The following C6orf89 variants were observed in gnomAD, a reference collection of about 807,000 sequenced individuals.
C6orf89 encodes chromosome 6 open reading frame 89.
C6orf89 carries 29 observed loss-of-function variants against 40.7 expected under a neutral mutation model. The ratio of observed to expected loss-of-function variants is 0.71; its 90% CI spans 0.53 to 0.97. The LOEUF (loss-of-function observed/expected upper bound fraction) is 0.97, where lower values mean the gene tolerates loss of function less well. Ranked by LOEUF, C6orf89 falls within the 50% of genes least tolerant of loss-of-function variation. C6orf89 has a pLI of 0.00. For synonymous variants in C6orf89, 165 were observed against 152.2 expected (o/e 1.08, Z -0.62); for missense variants, 392 against 429.1 (o/e 0.91, Z 0.76).
intron 1 of C6orf89, among the ~76,000 whole-genome samples, chr6:36,875,794 A>G (rs1156876255): frequency 2.0e-5 from 3 of 152,404 alleles, no homozygotes; most frequent in South Asian, 4.1e-4. Flanking sequence ...GCTGAGCCTT[A>G]CAGATTAAAT....
Position 36,914,243 on chromosome 6 carries a change from T to C in C6orf89, c.404-41T>C, listed in dbSNP as rs1391210338. 3 of 1,565,968 alleles carry C rather than the reference T, an allele frequency of 1.9e-6. No homozygotes were observed. In the East Asian group the frequency reaches 6.8e-5, roughly 35 times the overall value. On this transcript the variant is annotated intron_variant, in intron 4 of 8. Transcript: ENST00000480824. ...GAGCTACTGGATGTACCAGCTATGCTCTTTCAGTATCTGTTTTCTCCATAT... is the reference window on the plus strand; with the variant it reads ...GAGCTACTGGATGTACCAGCTATGCCCTTTCAGTATCTGTTTTCTCCATAT...
At chr6:36,890,295 T>C (rs904478169) in intron 1 of C6orf89, among the ~76,000 whole-genome samples, 1 of 152,194 alleles carries the variant, frequency 6.6e-6, no homozygotes, top group African/African-American at 2.4e-5. Flanking sequence ...GCCCAGTACC[T>C]CCCTGTTTCC....
upstream of C6orf89, among the ~76,000 whole-genome samples, chr6:36,884,794 C>T (rs190367584): frequency 2.0e-5 from 3 of 152,256 alleles, no homozygotes; most frequent in Admixed American, 2.0e-4. The surrounding 1 kb of genome is among the most constrained non-coding windows in gnomAD (Gnocchi z 4.0). Context: ...AATGGAGTCA[C>T]TCATGCTAAA....
chr6:36,899,408 T>A lies in C6orf89; in HGVS notation c.-19-18T>A. The A allele has an allele frequency of 6.2e-7, 1 of 1,610,484 alleles. No individual in the cohort carries two copies. ...ACCACCTTTCTTTTTACATTTATTT[T>A]CTCTCCGTCTCTCTCAGGGATTTTA... is the stretch of plus-strand genomic sequence containing the variant. On this transcript the variant is annotated intron_variant, in intron 2 of 8. Coordinates refer to ENST00000480824, the MANE Select transcript of C6orf89 (RefSeq NM_001286635.2).
In C6orf89 at chr6:36,908,572, A is replaced by ATAGATATACT. The variant is rs1762010324; in HGVS notation, c.404-5709_404-5700dup. ...TCTGAGTTTTTCCATGTCTATACAA[A>ATAGATATACT]TAGATATACTTAATATATATAAATA... On this transcript the variant is annotated intron_variant, in intron 4 of 8. Transcript: ENST00000480824. Among the ~76,000 whole-genome samples the ATAGATATACT allele has an allele frequency of 7.9e-5, 12 of 152,322 alleles. No homozygotes were observed. The South Asian group carries it at 2.3e-3, about 29-fold the overall frequency.
chr6:36,872,302 G>A (rs927529395), intron 1 of C6orf89, among the ~76,000 whole-genome samples: 10 of 151,872 alleles, frequency 6.6e-5, no homozygotes, highest in Non-Finnish European at 1.2e-4. Context: ...TTCTGGGTGG[G>A]GGTAGGGACT....
intron 3 of C6orf89, 126 bp downstream of exon 3, chr6:36,899,759 G>C: frequency 1.1e-6 from 1 of 896,878 alleles, no homozygotes. Flanking sequence ...ATTGGCCTTT[G>C]CTCTTGTTAC....
chr6:36,925,736 A>C lies in C6orf89; in HGVS notation c.*2295A>C, dbSNP rs1230939606. 1 of 152,228 alleles carries C rather than the reference A, an allele frequency of 6.6e-6. No individual in the cohort carries two copies. 9.4% of individuals were successfully genotyped at this position (152,228 alleles called of 1,614,324 possible). ...CAGGAGTGGCTAGGGGTTGCCAGCC[A>C]GTCCCTTTCTGATGATCAAGGCCCT... On this transcript the variant is annotated 3_prime_UTR_variant, in exon 9 of 9. Coordinates refer to ENST00000480824, the MANE Select transcript of C6orf89 (RefSeq NM_001286635.2).
At chr6:36,905,266 G>A (rs1214733409) in intron 4 of C6orf89, among the ~76,000 whole-genome samples, 6 of 152,110 alleles carry the variant, frequency 3.9e-5, no homozygotes, top group South Asian at 4.1e-4. Context: ...GTCTGGTCAC[G>A]GAGCCATGAT....
At chr6:36,901,309 A>ATT (rs1761678732) in intron 3 of C6orf89, among the ~76,000 whole-genome samples, 1 of 22,412 alleles carries the variant, frequency 4.5e-5, no homozygotes, top group Non-Finnish European at 8.3e-5. Flanking sequence ...TATTATTATT[A>ATT]TTATTATTAT....
chr6:36,914,552 A>G lies in C6orf89; in HGVS notation c.556-2A>G, dbSNP rs770686375. 1.2e-6 allele frequency: 2 copies of G among 1,613,978 alleles called. No homozygotes were observed. The highest frequency in any genetic ancestry group is 1.7e-5 in the Admixed American group (1 of 60,032). Reference sequence around the variant, plus strand: ...TTTTGTTTTGTTTCCTGCCTTGCCAAGACGGGAAAGCCCCTGTTGGAGGAA... The same window carrying G: ...TTTTGTTTTGTTTCCTGCCTTGCCAGGACGGGAAAGCCCCTGTTGGAGGAA... On this transcript the variant is annotated splice_acceptor_variant, in intron 5 of 8. Coordinates refer to ENST00000480824, the MANE Select transcript of C6orf89 (RefSeq NM_001286635.2). LOFTEE classifies it high-confidence loss of function.
chr6:36,878,334 A>T (rs539960652), intron 1 of C6orf89, among the ~76,000 whole-genome samples: 9 of 152,358 alleles, frequency 5.9e-5, no homozygotes, highest in Admixed American at 6.5e-5. Flanking sequence ...TGAACCCAGT[A>T]GTATTTTGTT....
intron 1 of C6orf89, among the ~76,000 whole-genome samples, chr6:36,891,961 T>C (rs16889250): frequency 0.024 from 3,679 of 152,348 alleles, 104 homozygotes; most frequent in South Asian, 0.11. Context: ...ATAGAGGAAT[T>C]AGTTCTCTGT....
upstream of C6orf89, chr6:36,885,731 A>G (rs543742920): frequency 3.7e-5 from 12 of 326,918 alleles, no homozygotes; most frequent in Non-Finnish European, 6.6e-5. Flanking sequence ...TAAATTAGGA[A>G]GACAAGGATT....
chr6:36,909,823 G>C (rs1450706365), intron 4 of C6orf89, among the ~76,000 whole-genome samples: 4 of 151,604 alleles, frequency 2.6e-5, no homozygotes, highest in African/African-American at 9.7e-5. Context: ...TTCAAACAGA[G>C]GCTTATATAT....
intron 1 of C6orf89, among the ~76,000 whole-genome samples, chr6:36,872,227 C>T (rs995547842): frequency 6.6e-6 from 1 of 151,652 alleles, no homozygotes; most frequent in Non-Finnish European, 1.5e-5. Context: ...AATTCTTACA[C>T]TTAATTTTTA....
chr6:36,886,333 G>A (rs1416889129), intron 1 of C6orf89, among the ~76,000 whole-genome samples: 1 of 152,190 alleles, frequency 6.6e-6, no homozygotes, highest in Non-Finnish European at 1.5e-5. Context: ...CTTGAGCGTT[G>A]CTAATGAAGT....
chr6:36,896,131 G>A (rs1157351926), intron 2 of C6orf89, among the ~76,000 whole-genome samples: 1 of 151,990 alleles, frequency 6.6e-6, no homozygotes, highest in African/African-American at 2.4e-5. Flanking sequence ...TTTTTGAGAT[G>A]GAGTCTCACT....
intron 8 of C6orf89, among the ~76,000 whole-genome samples, chr6:36,921,764 A>T (rs959024396): frequency 1.3e-5 from 2 of 152,142 alleles, no homozygotes; most frequent in African/African-American, 4.8e-5. Context: ...AGGGTAGCTC[A>T]CACCTATAAT....
Sources: allele counts gnomAD v4.1 joint callset (sites outside exome capture counted in the v4.1 genomes callset), GRCh38; gene constraint gnomAD v4.1.1; non-coding constraint Gnocchi (gnomAD v3.1); transcripts MANE v1.5; gene names NCBI Gene and HGNC (gene_info 2026-07-23, HGNC 2026-07-21).